Variants in DMD observed in about 807,000 individuals in gnomAD.
DMD encodes the protein dystrophin.
In DMD, 63 loss-of-function variants were observed where a neutral mutation model predicts 330.1. The observed-to-expected ratio is 0.19, with a 90% CI of 0.16 to 0.24. The LOEUF (loss-of-function observed/expected upper bound fraction) is 0.24, where lower values mean the gene tolerates loss of function less well. DMD is among the 10% of genes least tolerant of loss of function. The pLI is 1.00. For missense variants in DMD, 3,344 were observed against 2,684.1 expected, an observed-to-expected ratio of 1.25 and a Z score of -5.43; for synonymous variants, 1,223 against 959.8, an observed-to-expected ratio of 1.27 and a Z score of -5.07.
intron 2 of DMD, among the ~76,000 whole-genome samples, chrX:32,898,552 C>A (rs1002292483): frequency 8.9e-6 from 1 of 112,123 alleles, no homozygotes; most frequent in Non-Finnish European, 1.9e-5. Flanking sequence ...GTATTTATAT[C>A]CATTTATACC....
chrX:32,012,126 C>T (rs192686974), intron 44 of DMD, among the ~76,000 whole-genome samples: 1 of 112,157 alleles, frequency 8.9e-6, no homozygotes, highest in East Asian at 2.8e-4. Context: ...ATTGCAATAG[C>T]CTACTAATTG....
At chrX:32,832,934 G>A (rs1210171103) in intron 4 of DMD, among the ~76,000 whole-genome samples, 1 of 110,925 alleles carries the variant, frequency 9.0e-6, no homozygotes, top group South Asian at 3.7e-4. Flanking sequence ...TTCAGATATA[G>A]AAATTTACAT....
At chrX:31,299,146 C>T (rs775333337) in intron 62 of DMD, among the ~76,000 whole-genome samples, 3 of 111,458 alleles carry the variant, frequency 2.7e-5, no homozygotes, top group South Asian at 3.8e-4. Flanking sequence ...TAATGATTAG[C>T]GAGGGCACAA....
At chrX:33,248,699 A>G (rs1042098602) in intron 1 of DMD, among the ~76,000 whole-genome samples, 1 of 112,141 alleles carries the variant, frequency 8.9e-6, no homozygotes, top group Non-Finnish European at 1.9e-5. Flanking sequence ...TATCCTATCA[A>G]TTGAATTTTA....
chrX:32,132,708 T>C (rs976162407), intron 44 of DMD, among the ~76,000 whole-genome samples: 9 of 110,962 alleles, frequency 8.1e-5, no homozygotes, highest in Non-Finnish European at 1.9e-5. Context: ...GGCTTCGGTG[T>C]TCATTCAAGT....
chrX:32,904,649 C>A (rs2086579517), intron 2 of DMD, among the ~76,000 whole-genome samples: 1 of 112,297 alleles, frequency 8.9e-6, no homozygotes, highest in African/African-American at 3.2e-5. Context: ...TCTCTGCTCA[C>A]TGCAACCTCC....
chrX:32,531,846 G>T (rs2047508161), intron 17 of DMD, among the ~76,000 whole-genome samples: 1 of 111,042 alleles, frequency 9.0e-6, no homozygotes, highest in Non-Finnish European at 1.9e-5. Context: ...ACGCTATCTT[G>T]GATTATATGA....
chrX:32,849,410 T>C (rs2080948773), intron 3 of DMD, among the ~76,000 whole-genome samples: 1 of 112,041 alleles, frequency 8.9e-6, no homozygotes, highest in Admixed American at 9.5e-5. Flanking sequence ...ACTTCAAAAA[T>C]ACACAAAAGT....
At chrX:31,668,850 G>A (rs1192400419) in intron 53 of DMD, among the ~76,000 whole-genome samples, 1 of 111,843 alleles carries the variant, frequency 8.9e-6, no homozygotes, top group East Asian at 2.8e-4. Flanking sequence ...ACATAAGTGA[G>A]ATCACGCAGT....
At chrX:32,066,555 C>T (rs2096261632) in intron 44 of DMD, among the ~76,000 whole-genome samples, 1 of 111,474 alleles carries the variant, frequency 9.0e-6, no homozygotes, top group African/African-American at 3.3e-5. Context: ...ACTGACACTG[C>T]ATGCCTAGCC....
intron 2 of DMD, among the ~76,000 whole-genome samples, chrX:32,970,565 C>T (rs1304551640): frequency 2.2e-5 from 2 of 92,954 alleles, no homozygotes; most frequent in Non-Finnish European, 4.1e-5. Flanking sequence ...ACCCGGGAGG[C>T]GGAGGTTGCA....
chrX:32,580,681 A>G (rs1423336843), intron 13 of DMD, among the ~76,000 whole-genome samples: 1 of 112,076 alleles, frequency 8.9e-6, no homozygotes. Context: ...TTTAATATAG[A>G]ACACAGTGAA....
At chrX:32,602,616 A>G (rs1049752785) in intron 12 of DMD, among the ~76,000 whole-genome samples, 8 of 111,153 alleles carry the variant, frequency 7.2e-5, no homozygotes, top group Non-Finnish European at 7.6e-5. Context: ...TTTTTCCTCT[A>G]TTTTAAAGAA....
At chrX:32,454,275 A>G (rs1164665863) in intron 26 of DMD, among the ~76,000 whole-genome samples, 1 of 111,483 alleles carries the variant, frequency 9.0e-6, no homozygotes, top group African/African-American at 3.2e-5. Flanking sequence ...TCAAACTACC[A>G]AATTAACACA....
chrX:32,693,765 G>A (rs1334646044), intron 9 of DMD, among the ~76,000 whole-genome samples: 1 of 111,585 alleles, frequency 9.0e-6, no homozygotes, highest in East Asian at 2.8e-4. Context: ...TTTTTTAAGT[G>A]TTACAATGAG....
intron 3 of DMD, 74 bp from the exon 4 acceptor site, chrX:32,844,934 A>G: frequency 1.2e-6 from 1 of 836,885 alleles, no homozygotes; most frequent in Non-Finnish European, 1.8e-6. Context: ...AACCATTTAT[A>G]ATTTCACTAT....
chrX:32,964,491 T>A (rs2092050203), intron 2 of DMD, among the ~76,000 whole-genome samples: 1 of 110,121 alleles, frequency 9.1e-6, no homozygotes, highest in East Asian at 2.9e-4. Context: ...GTGGATCACC[T>A]GAGGTCAGGA....
intron 2 of DMD, among the ~76,000 whole-genome samples, chrX:32,852,806 C>T (rs1409392659): frequency 1.8e-5 from 2 of 110,921 alleles, no homozygotes; most frequent in African/African-American, 3.3e-5. Context: ...AATTCCTCTG[C>T]TTATGAAATG....
At chrX:32,866,918 T>C (rs1252776352) in intron 2 of DMD, among the ~76,000 whole-genome samples, 1 of 111,103 alleles carries the variant, frequency 9.0e-6, no homozygotes, top group Non-Finnish European at 1.9e-5. Context: ...ATTTTTTTAG[T>C]AGAAACAGGG....
Sources: allele counts gnomAD v4.1 joint callset (sites outside exome capture counted in the v4.1 genomes callset), GRCh38; gene constraint gnomAD v4.1.1; transcripts MANE v1.5; gene names NCBI Gene and HGNC (gene_info 2026-07-23, HGNC 2026-07-21).